The following CEP20 variants were observed in gnomAD, a reference collection of about 807,000 sequenced individuals.
CEP20 encodes the protein FGFR1OP N-terminal like.
A neutral mutation model predicts 20.0 loss-of-function variants in CEP20; 18 were observed. The observed-to-expected ratio is 0.90, with a 90% CI of 0.62 to 1.34. The LOEUF is 1.34. CEP20 is among the 40% of genes most tolerant of loss of function. The pLI, the probability that CEP20 is intolerant of heterozygous loss-of-function variation, is 0.00. For missense variants in CEP20, 215 were observed against 201.6 expected (o/e 1.07, Z -0.40); for synonymous variants, 77 against 73.7 (o/e 1.04, Z -0.23).
At chr16:15,871,349 CCTT>C (rs2044813283) in intron 4 of CEP20, among the ~76,000 whole-genome samples, 1 of 149,530 alleles carries the variant, frequency 6.7e-6, no homozygotes, top group Admixed American at 6.7e-5. Flanking sequence ...AACAGGGACA[CCTT>C]CTATAAAAAG....
chr16:15,875,888 C>T (rs1170676344), intron 3 of CEP20, among the ~76,000 whole-genome samples: 2 of 151,478 alleles, frequency 1.3e-5, no homozygotes, highest in Non-Finnish European at 2.9e-5. Context: ...CACCTGAGGT[C>T]GGGAGTTCAA....
At chr16:15,876,692 T>A (rs1003326513) in intron 3 of CEP20, among the ~76,000 whole-genome samples, 3 of 152,210 alleles carry the variant, frequency 2.0e-5, no homozygotes, top group Admixed American at 6.5e-5. Context: ...ACTGCAGATC[T>A]GTAAGTAAAT....
At chr16:15,872,313 C>CAA (rs200581304) in intron 4 of CEP20, among the ~76,000 whole-genome samples, 14 of 114,432 alleles carry the variant, frequency 1.2e-4, no homozygotes, top group African/African-American at 3.1e-4. Flanking sequence ...GACTCTGTCT[C>CAA]AAAAAAAAAA....
chr16:15,888,203 A>G (rs1030384546), intron 1 of CEP20, among the ~76,000 whole-genome samples: 3 of 151,918 alleles, frequency 2.0e-5, no homozygotes, highest in African/African-American at 7.3e-5. Context: ...AATTGTAGTC[A>G]TCAGCCCTGA....
chr16:15,886,047 G>A (rs2045238306), intron 1 of CEP20: 1 of 152,190 alleles, frequency 6.6e-6, no homozygotes, highest in Non-Finnish European at 1.5e-5. Flanking sequence ...CAGAGCAAGA[G>A]CTCAGTAGGT....
chr16:15,871,488 G>A (rs893346843), intron 4 of CEP20, among the ~76,000 whole-genome samples: 3 of 152,014 alleles, frequency 2.0e-5, no homozygotes, highest in African/African-American at 4.8e-5. Flanking sequence ...TATTTTGCTC[G>A]TTAAGTACTT....
At chr16:15,883,949 T>A in intron 2 of CEP20, 59 bp downstream of exon 2, 1 of 1,430,366 alleles carries the variant, frequency 7.0e-7, no homozygotes, top group Non-Finnish European at 9.6e-7. Context: ...GATAAACAGT[T>A]TCTGAGAATT....
chr16:15,888,492 T>A, intron 1 of CEP20, 66 bp downstream of exon 1: 1 of 1,607,586 alleles, frequency 6.2e-7, no homozygotes, highest in South Asian at 1.1e-5. Flanking sequence ...TCTCCTCCCA[T>A]CCCATCCTTT....
intron 4 of CEP20, among the ~76,000 whole-genome samples, chr16:15,869,281 G>C (rs898678212): frequency 2.0e-5 from 3 of 148,632 alleles, no homozygotes; most frequent in Admixed American, 6.7e-5. Context: ...TTTTCATCTT[G>C]GCATGCTTTG....
At chr16:15,878,800 G>C (rs1199361210) in intron 3 of CEP20, among the ~76,000 whole-genome samples, 2 of 152,138 alleles carry the variant, frequency 1.3e-5, no homozygotes, top group Non-Finnish European at 2.9e-5. Flanking sequence ...CGTCTGGCTA[G>C]AGATGGGGTT....
intron 4 of CEP20, among the ~76,000 whole-genome samples, chr16:15,868,687 T>C (rs1293217166): frequency 6.6e-6 from 1 of 152,174 alleles, no homozygotes; most frequent in Non-Finnish European, 1.5e-5. Flanking sequence ...TTATTCTCAG[T>C]GCCAATACTA....
chr16:15,878,347 C>T (rs184089494), intron 3 of CEP20, among the ~76,000 whole-genome samples: 230 of 152,246 alleles, frequency 1.5e-3, no homozygotes, highest in African/African-American at 4.5e-3. Context: ...TAAAGTGCTA[C>T]GCTAAGCAAC....
chr16:15,871,453 T>C (rs1290443757), intron 4 of CEP20, among the ~76,000 whole-genome samples: 1 of 152,140 alleles, frequency 6.6e-6, no homozygotes, highest in Non-Finnish European at 1.5e-5. Flanking sequence ...AGAGATTTAC[T>C]CATGTACTTG....
intron 3 of CEP20, among the ~76,000 whole-genome samples, chr16:15,876,039 A>G (rs572095345): frequency 4.1e-4 from 62 of 150,936 alleles, no homozygotes; most frequent in Admixed American, 1.1e-3. Flanking sequence ...CAGAGGTTGC[A>G]GTGAGCTGAG....
At chr16:15,887,034 A>G (rs1177738780) in intron 1 of CEP20, among the ~76,000 whole-genome samples, 1 of 145,130 alleles carries the variant, frequency 6.9e-6, no homozygotes, top group Non-Finnish European at 1.5e-5. Context: ...GGGTAGCTGG[A>G]ACTACCACAG....
intron 2 of CEP20, 34 bp downstream of exon 2, chr16:15,883,974 A>AACAG: frequency 6.4e-7 from 1 of 1,556,436 alleles, no homozygotes; most frequent in East Asian, 2.3e-5. Flanking sequence ...AAAGGGGAGA[A>AACAG]ACAGATTTTA....
At chr16:15,875,473 C>T (rs995496780) in intron 3 of CEP20, among the ~76,000 whole-genome samples, 2 of 151,864 alleles carry the variant, frequency 1.3e-5, no homozygotes, top group Non-Finnish European at 2.9e-5. Flanking sequence ...ATAGCGAGTC[C>T]CCTAGCTCTA....
In CEP20 at chr16:15,867,478, T is replaced by C; in HGVS notation, c.487A>G (p.Ile163Val). The C allele has an allele frequency of 6.2e-7, 1 of 1,605,342 alleles. No homozygotes were observed. The highest frequency in any genetic ancestry group is 1.1e-5 in the South Asian group (1 of 89,926). Reference sequence around the variant, plus strand: ...GCCTGAGAAACATGAAGATCTTCAATGTTAGTACTTTTCTGTTCCTCCTTT... The same window carrying C: ...GCCTGAGAAACATGAAGATCTTCAACGTTAGTACTTTTCTGTTCCTCCTTT... ...LRKEEQKSTN[I>V]EDLHVSQAVN... The change falls in exon 5 of 5, where the codon ATT (isoleucine) becomes GTT (valine). Residue 163 changes from isoleucine (I) to valine (V), a missense_variant. Physicochemically the swap from Ile to Val is conservative, Grantham distance 29. Coordinates refer to ENST00000255759, the MANE Select transcript of CEP20 (RefSeq NM_144600.4).
At chr16:15,887,510 G>T (rs7202597) in intron 1 of CEP20, among the ~76,000 whole-genome samples, 26,959 of 152,112 alleles carry the variant, frequency 0.18, 2,312 homozygotes, top group East Asian at 0.22. Flanking sequence ...TTCCCATGCT[G>T]TGTCTCTTTC....
Sources: allele counts gnomAD v4.1 joint callset (sites outside exome capture counted in the v4.1 genomes callset), GRCh38; gene constraint gnomAD v4.1.1; transcripts MANE v1.5; gene names NCBI Gene and HGNC (gene_info 2026-07-23, HGNC 2026-07-21).